Variants in DIAPH1 observed in about 807,000 individuals in gnomAD.
The protein encoded by DIAPH1 is diaphanous related formin 1.
A neutral mutation model predicts 140.7 loss-of-function variants in DIAPH1; 46 were observed. The observed-to-expected ratio is 0.33, with a 90% confidence interval of 0.26 to 0.42. DIAPH1 has a LOEUF of 0.42. DIAPH1 is among the 10% of genes least tolerant of loss of function. DIAPH1 has a pLI of 1.00. For missense variants in DIAPH1, 1,310 were observed against 1,558.7 expected, an observed-to-expected ratio of 0.84 and a Z score of 2.69; for synonymous variants, 565 against 551.6, an observed-to-expected ratio of 1.02 and a Z score of -0.34.
intron 19 of DIAPH1, among the ~76,000 whole-genome samples, chr5:141,534,015 AGTG>A (rs2099888646): frequency 8.2e-6 from 1 of 121,436 alleles, no homozygotes. Flanking sequence ...TGGGCAACAG[AGTG>A]GTGAGACTGT....
In DIAPH1 at chr5:141,578,666, C is replaced by T. The variant is rs777808137; in HGVS notation, c.934-41G>A. ...TCAGCAGCTATGTCAATGCTAACTC[C>T]TGGAGATCAAGAATCCATTTTCTTT... is the stretch of plus-strand genomic sequence containing the variant. On this transcript the variant is annotated intron_variant, in intron 9 of 27. Coordinates refer to ENST00000389054, the MANE Select transcript of DIAPH1 (RefSeq NM_005219.5). 9 of 1,453,326 alleles carry T rather than the reference C, an allele frequency of 6.2e-6. 1 individual carries two copies. The South Asian group carries it at 8.0e-5, about 13-fold the overall frequency. 90.0% of individuals were successfully genotyped at this position (1,453,326 alleles called of 1,614,324 possible).
intron 18 of DIAPH1, among the ~76,000 whole-genome samples, chr5:141,560,363 TC>T (rs980585476): frequency 1.3e-5 from 2 of 152,206 alleles, no homozygotes; most frequent in African/African-American, 2.4e-5. Context: ...TTCTTGCCAC[TC>T]CCTTTCACTA....
At chr5:141,568,740 G>A (rs566787720) in intron 18 of DIAPH1, among the ~76,000 whole-genome samples, 2 of 152,118 alleles carry the variant, frequency 1.3e-5, no homozygotes, top group Non-Finnish European at 2.9e-5. Context: ...TATACCGAAG[G>A]TTTTAGGTAT....
intron 1 of DIAPH1, among the ~76,000 whole-genome samples, chr5:141,601,999 A>G (rs2099900209): frequency 6.6e-6 from 1 of 152,212 alleles, no homozygotes; most frequent in African/African-American, 2.4e-5. Flanking sequence ...ACAGCCAAAA[A>G]TAATTTCCTT....
intron 1 of DIAPH1, among the ~76,000 whole-genome samples, chr5:141,597,770 G>A (rs2099899543): frequency 6.6e-6 from 1 of 152,270 alleles, no homozygotes; most frequent in African/African-American, 2.4e-5. Context: ...CCAGATGGTT[G>A]GCCTGTCTGG....
intron 1 of DIAPH1, among the ~76,000 whole-genome samples, chr5:141,608,719 T>G (rs529071954): frequency 1.3e-5 from 2 of 152,320 alleles, no homozygotes; most frequent in Admixed American, 1.3e-4. Context: ...CACTGGCAAA[T>G]AACTGCCAGG....
intron 18 of DIAPH1, chr5:141,558,411 A>G (rs1191878553): frequency 6.6e-6 from 1 of 152,230 alleles, no homozygotes; most frequent in Non-Finnish European, 1.5e-5. Context: ...GCGTCTCTCA[A>G]TGAAGACCAC....
At chr5:141,615,508 G>T (rs1463021444) in intron 1 of DIAPH1, among the ~76,000 whole-genome samples, 2 of 151,542 alleles carry the variant, frequency 1.3e-5, no homozygotes, top group African/African-American at 4.8e-5. Context: ...TTGGGAGGCC[G>T]AGGTGGGCAG....
intron 1 of DIAPH1, chr5:141,618,560 G>C (rs553186477): frequency 2.3e-6 from 1 of 432,834 alleles, no homozygotes. Flanking sequence ...CAGAATGTAA[G>C]GGCTGGGGAA....
chr5:141,590,983 C>T (rs973860406), intron 1 of DIAPH1, among the ~76,000 whole-genome samples: 7 of 152,156 alleles, frequency 4.6e-5, no homozygotes, highest in African/African-American at 1.7e-4. Context: ...GCCAAGCTGT[C>T]CATGTTATTT....
At chr5:141,555,278 A>G (rs1417055379) in intron 18 of DIAPH1, among the ~76,000 whole-genome samples, 1 of 152,238 alleles carries the variant, frequency 6.6e-6, no homozygotes, top group Admixed American at 6.5e-5. Context: ...ACCAAACAGG[A>G]AACTGTGAGA....
intron 18 of DIAPH1, among the ~76,000 whole-genome samples, chr5:141,570,471 T>C (rs887876031): frequency 6.6e-6 from 1 of 152,004 alleles, no homozygotes; most frequent in East Asian, 1.9e-4. Flanking sequence ...ACAAGACAGA[T>C]CTGAGCATTA....
intron 18 of DIAPH1, chr5:141,563,658 C>T (rs1338534958): frequency 6.6e-6 from 1 of 152,170 alleles, no homozygotes; most frequent in African/African-American, 2.4e-5. Flanking sequence ...CTGGAATCCA[C>T]AGATAATGGC....
intron 18 of DIAPH1, among the ~76,000 whole-genome samples, chr5:141,540,103 T>A (rs1278250451): frequency 6.6e-6 from 1 of 152,008 alleles, no homozygotes; most frequent in Non-Finnish European, 1.5e-5. Flanking sequence ...GTATATCTCA[T>A]AAGGCATAAG....
intron 18 of DIAPH1, among the ~76,000 whole-genome samples, chr5:141,570,552 T>TA (rs1042940927): frequency 3.3e-5 from 5 of 152,098 alleles, no homozygotes; most frequent in African/African-American, 7.2e-5. Context: ...CACAATCTGT[T>TA]AGACTCCTTA....
intron 18 of DIAPH1, among the ~76,000 whole-genome samples, chr5:141,549,030 A>G (rs1026019651): frequency 5.9e-5 from 9 of 152,188 alleles, no homozygotes; most frequent in Non-Finnish European, 1.3e-4. Flanking sequence ...AAGAACATAA[A>G]TCATGAAAAT....
chr5:141,566,800 C>A (rs1436143191), intron 18 of DIAPH1, among the ~76,000 whole-genome samples: 2 of 152,146 alleles, frequency 1.3e-5, no homozygotes, highest in East Asian at 3.9e-4. Flanking sequence ...GAGGCTGAGG[C>A]AGGAGAATTG....
At chr5:141,562,065 A>G (rs1315783357) in intron 18 of DIAPH1, among the ~76,000 whole-genome samples, 1 of 152,190 alleles carries the variant, frequency 6.6e-6, no homozygotes, top group Admixed American at 6.5e-5. Context: ...AATGGCTGTA[A>G]GCTCTAGCAT....
At chr5:141,566,569 C>T (rs901258534) in intron 18 of DIAPH1, among the ~76,000 whole-genome samples, 3 of 152,136 alleles carry the variant, frequency 2.0e-5, no homozygotes, top group African/African-American at 4.8e-5. Flanking sequence ...ATCTCCAAGC[C>T]CACTGGGGTG....
Sources: gnomAD v4.1 joint callset for allele counts (sites outside exome capture counted in the v4.1 genomes callset) on GRCh38, gnomAD v4.1.1 for gene constraint, MANE v1.5 for transcripts, NCBI Gene and HGNC (gene_info 2026-07-23, HGNC 2026-07-21) for gene names.